ATG16L1: variants seen among roughly 807,000 people sequenced by gnomAD.
The protein encoded by ATG16L1 is autophagy-related protein 16-1.
A neutral mutation model predicts 88.5 loss-of-function variants in ATG16L1; 37 were observed. That is an observed-to-expected ratio of 0.42 (90% CI 0.32 to 0.55). ATG16L1 has a LOEUF of 0.55. Ranked by LOEUF, ATG16L1 falls within the 20% of genes least tolerant of loss-of-function variation. The probability of loss-of-function intolerance (pLI) is 0.13; values close to 1 mark genes in which losing one functional copy is unlikely to be tolerated. For missense variants in ATG16L1, 554 were observed against 752.8 expected, an observed-to-expected ratio of 0.74 and a Z score of 3.09; for synonymous variants, 301 against 281.0, an observed-to-expected ratio of 1.07 and a Z score of -0.71.
chr2:233,269,067 C>T (rs1189178890), intron 5 of ATG16L1, among the ~76,000 whole-genome samples: 1 of 152,070 alleles, frequency 6.6e-6, no homozygotes, highest in African/African-American at 2.4e-5. Flanking sequence ...GAATGAGAGA[C>T]AAAAATGATT....
intron 9 of ATG16L1, among the ~76,000 whole-genome samples, chr2:233,276,507 C>G (rs1181706514): frequency 3.9e-5 from 6 of 152,192 alleles, no homozygotes; most frequent in African/African-American, 1.2e-4. Flanking sequence ...CTGAGTCTCA[C>G]TCTGTTATCC....
chr2:233,285,328 T>G (rs1315850186), intron 12 of ATG16L1, among the ~76,000 whole-genome samples: 1 of 152,204 alleles, frequency 6.6e-6, no homozygotes, highest in Non-Finnish European at 1.5e-5. Context: ...GTGCAGGATA[T>G]TTTTTAATTG....
At position 233,289,564 on chromosome 2, in the gene ATG16L1, A is replaced by T. The variant is rs77271800; in HGVS notation, c.1204-290A>T. On this transcript the variant is annotated intron_variant, in intron 12 of 17. Transcript: ENST00000392017. ...CCACTCCCTGCAAATTTTTAAAAAA[A>T]TTTTTTTGTAGAGATGGGGGTTTCA... 0.065 allele frequency among the ~76,000 whole-genome samples: 9,817 copies of T among 152,104 alleles called. 367 individuals carry two copies. Among genetic ancestry groups the T allele is most frequent in the Non-Finnish European group, 0.071 (4,846 of 68,002 alleles).
At chr2:233,293,462 T>C (rs1699602799) in intron 17 of ATG16L1, 105 bp downstream of exon 17, 2 of 1,048,030 alleles carry the variant, frequency 1.9e-6, no homozygotes, top group Non-Finnish European at 2.9e-6. Context: ...GTGAGGGCAC[T>C]GTCCGCCCAC....
intron 2 of ATG16L1, among the ~76,000 whole-genome samples, chr2:233,258,669 T>G (rs534226027): frequency 5.5e-4 from 84 of 152,332 alleles, no homozygotes; most frequent in Middle Eastern, 6.8e-3. Context: ...GTGCTTGGAA[T>G]ATGCAGCCGT....
intron 5 of ATG16L1, among the ~76,000 whole-genome samples, chr2:233,269,143 A>G (rs998819741): frequency 3.3e-5 from 5 of 152,244 alleles, no homozygotes; most frequent in Non-Finnish European, 5.9e-5. Flanking sequence ...CAAGACTTCT[A>G]TGTCAAGCTT....
intron 5 of ATG16L1, chr2:233,266,082 AAAG>A (rs1335042331): frequency 6.6e-6 from 1 of 152,210 alleles, no homozygotes; most frequent in East Asian, 1.9e-4. Context: ...CAACCATTGA[AAAG>A]AAGGAGTGAT....
chr2:233,281,065 A>G, intron 10 of ATG16L1, 40 bp from the exon 11 acceptor site: 2 of 1,388,684 alleles, frequency 1.4e-6, no homozygotes, highest in Non-Finnish European at 2.0e-6. Context: ...TATTGGCTTT[A>G]TTTAACTTCC....
chr2:233,272,915 A>T, intron 6 of ATG16L1, 51 bp from the exon 7 acceptor site: 1 of 1,512,278 alleles, frequency 6.6e-7, no homozygotes, highest in Non-Finnish European at 9.2e-7. Context: ...GGAACCGATT[A>T]ATCACAGAAC....
chr2:233,264,224 C>A, intron 4 of ATG16L1, 159 bp downstream of exon 4: 1 of 639,824 alleles, frequency 1.6e-6, no homozygotes, highest in Non-Finnish European at 2.7e-6. Context: ...CCTTTTCTAC[C>A]AGCTCTGAGA....
intron 12 of ATG16L1, among the ~76,000 whole-genome samples, chr2:233,287,885 GAAAA>G (rs1341966362): frequency 6.6e-6 from 1 of 151,958 alleles, no homozygotes; most frequent in African/African-American, 2.4e-5. Flanking sequence ...TCTCAAAAAA[GAAAA>G]AAAGATAGAA....
At position 233,251,926 on chromosome 2, in the gene ATG16L1, G is replaced by A. The variant is rs756805511; in HGVS notation, c.99G>A (p.Glu33=). The A allele has an allele frequency of 1.3e-6, 2 of 1,549,312 alleles. No individual in the cohort carries two copies. The highest frequency in any genetic ancestry group is 2.4e-5 in the South Asian group (2 of 84,018). ...ACCGGCTGCAGAGACAGGCGTTCGA[G>A]GAGATCATCCTGCAGTGTGAGCGGC... The part of the protein sequence containing the change: ...RRDRLQRQAF[E]EIILQYNKLL... The change falls in exon 1 of 18, where the codon GAG becomes GAA. Residue 33 remains glutamate, a synonymous_variant. Transcript: ENST00000392017.
intron 14 of ATG16L1, among the ~76,000 whole-genome samples, chr2:233,291,590 C>G (rs1038666307): frequency 6.6e-6 from 1 of 152,158 alleles, no homozygotes; most frequent in Non-Finnish European, 1.5e-5. Flanking sequence ...CTGTTAGCCA[C>G]CCTGGACATG....
At position 233,290,086 on chromosome 2, in the gene ATG16L1, G is replaced by T. The variant is rs551667578; in HGVS notation, c.1324+112G>T. ...TAATATAGTTTGAATTTCAGATCTGGCTTCATGTTTAGAGGGGCACTGAGG... is the reference window on the plus strand; with the variant it reads ...TAATATAGTTTGAATTTCAGATCTGTCTTCATGTTTAGAGGGGCACTGAGG... On this transcript the variant is annotated intron_variant, in intron 13 of 17. Transcript: ENST00000392017. 24 of 1,558,068 alleles carry T rather than the reference G, an allele frequency of 1.5e-5. No individual in the cohort carries two copies. The South Asian group carries it at 2.5e-4, about 16-fold the overall frequency.
At chr2:233,281,890 G>A (rs188631796) in intron 11 of ATG16L1, among the ~76,000 whole-genome samples, 75 of 152,274 alleles carry the variant, frequency 4.9e-4, no homozygotes, top group Non-Finnish European at 7.8e-4. Context: ...TCTATGGCAC[G>A]GTGGTGGTCT....
chr2:233,290,108 G>A lies in ATG16L1; in HGVS notation c.1324+134G>A. ...CTGGCTTCATGTTTAGAGGGGCACT[G>A]AGGATAGTGATAGTTTTTCTTGTTT... On this transcript the variant is annotated intron_variant, in intron 13 of 17. Transcript: ENST00000392017. The A allele has an allele frequency of 3.3e-6, 5 of 1,504,824 alleles. No homozygotes were observed. The South Asian group carries it at 4.8e-5, about 14-fold the overall frequency. The allele number at this position is 1,504,824 out of a possible 1,614,324, so 93.2% of individuals were successfully genotyped here. A position where few individuals can be genotyped will look rare whatever the true frequency, so the allele number is the denominator to read the frequency against.
At chr2:233,263,845 C>T in intron 3 of ATG16L1, 147 bp from the exon 4 acceptor site, 2 of 626,792 alleles carry the variant, frequency 3.2e-6, no homozygotes, top group South Asian at 1.9e-5. Flanking sequence ...AGGGATAGTT[C>T]CCCTTTGTGT....
intron 2 of ATG16L1, among the ~76,000 whole-genome samples, 167 bp from the exon 3 acceptor site, chr2:233,262,963 C>G (rs1697321312): frequency 6.6e-6 from 1 of 152,146 alleles, no homozygotes; most frequent in African/African-American, 2.4e-5. Context: ...CCTTTCCACT[C>G]ATAGTGCCTG....
chr2:233,288,033 G>A (rs1352080734), intron 12 of ATG16L1, among the ~76,000 whole-genome samples: 4 of 152,032 alleles, frequency 2.6e-5, no homozygotes, highest in African/African-American at 4.8e-5. Context: ...TTGATCTTAC[G>A]GAAGGATCAG....
Sources: gnomAD v4.1 joint callset for allele counts (sites outside exome capture counted in the v4.1 genomes callset) on GRCh38, gnomAD v4.1.1 for gene constraint, MANE v1.5 for transcripts, NCBI Gene and HGNC (gene_info 2026-07-23, HGNC 2026-07-21) for gene names.